NET1: variants seen among roughly 807,000 people sequenced by gnomAD.
NET1 encodes neuroepithelial cell transforming 1, also known as neuroepithelial cell-transforming gene 1 protein.
In NET1, 42 loss-of-function variants were observed where a neutral mutation model predicts 61.1. The ratio of observed to expected loss-of-function variants is 0.69; its 90% CI spans 0.54 to 0.89. NET1 has a LOEUF of 0.89. Among genes scored for constraint, NET1 ranks in the 40% least tolerant of loss-of-function variants. The probability of loss-of-function intolerance (pLI) is 0.00; values close to 1 mark genes in which losing one functional copy is unlikely to be tolerated. For missense variants in NET1, 654 were observed against 747.3 expected (o/e 0.88, Z 1.46); for synonymous variants, 254 against 281.8 (o/e 0.90, Z 0.99).
At chr10:5,432,647 T>C (rs1453501376) in intron 3 of NET1, among the ~76,000 whole-genome samples, 1 of 152,142 alleles carries the variant, frequency 6.6e-6, no homozygotes, top group African/African-American at 2.4e-5. Flanking sequence ...AATTTTGAAG[T>C]CATTCTACAG....
chr10:5,442,301 G>A (rs1467046901), intron 3 of NET1, among the ~76,000 whole-genome samples: 1 of 152,114 alleles, frequency 6.6e-6, no homozygotes, highest in Non-Finnish European at 1.5e-5. Context: ...CTGTAGTATG[G>A]CTTCCCTAGT....
In NET1 at chr10:5,453,041, A is replaced by G; in HGVS notation, c.594+121A>G. On this transcript the variant is annotated intron_variant, in intron 6 of 11. Transcript: ENST00000355029. This position sits in a 1 kb window ranked among gnomAD's most constrained non-coding sequence, Gnocchi z 4.9. ...ATAGAAAATATCTACTGGTGAATAC[A>G]TTTTTTTTAGGTGAGGTCTAGACAC... 1 of 787,342 alleles carries G rather than the reference A, an allele frequency of 1.3e-6. No individual in the cohort carries two copies. The highest frequency in any genetic ancestry group is 2.1e-6 in the Non-Finnish European group (1 of 469,132). 48.8% of individuals were successfully genotyped at this position (787,342 alleles called of 1,614,324 possible).
rs780404336 is a variant in NET1 at position 5,439,863 on chromosome 10, A to G, written c.255+10634A>G. Among the ~76,000 whole-genome samples the G allele has an allele frequency of 1.5e-4, 23 of 152,214 alleles. No homozygotes were observed. Among genetic ancestry groups the G allele is most frequent in the Non-Finnish European group, 2.9e-4 (20 of 68,030 alleles). On this transcript the variant is annotated intron_variant, in intron 3 of 11. Transcript: ENST00000355029. The surrounding 1 kb of genome is among the most constrained non-coding windows in gnomAD (Gnocchi z 4.8). ...CCACAGCCTGGAGGACCTGCTACAG[A>G]GACCTCTGTTGCTCTGGGACCTACT...
Position 5,435,494 on chromosome 10 carries a change from T to C in NET1, c.255+6265T>C, listed in dbSNP as rs1395714357. ...TGCCTGAGATAGATAGATAGATAGA[T>C]AGATAGATAGATAGATAGATAGATA... On this transcript the variant is annotated intron_variant, in intron 3 of 11. Coordinates refer to ENST00000355029, the MANE Select transcript of NET1 (RefSeq NM_001047160.3). The surrounding 1 kb of genome is among the most constrained non-coding windows in gnomAD (Gnocchi z 5.0). Among the ~76,000 whole-genome samples the C allele has an allele frequency of 1.3e-4, 1 of 7,526 alleles. No homozygotes were observed. The highest frequency in any genetic ancestry group is 2.1e-4 in the African/African-American group (1 of 4,794). The allele number at this position is 7,526 out of a possible 152,430, so 4.9% of individuals were successfully genotyped here.
Position 5,441,206 on chromosome 10 carries a change from T to A in NET1, c.256-10624T>A, listed in dbSNP as rs1447485578. On this transcript the variant is annotated intron_variant, in intron 3 of 11. Transcript: ENST00000355029. The surrounding 1 kb of genome is among the most constrained non-coding windows in gnomAD (Gnocchi z 4.6). ...TCCTGCAGCTTCTGTGCTCCGTTAG[T>A]CAACAAGTGGCCTTTCGGGTGTCCA... Among the ~76,000 whole-genome samples the A allele has an allele frequency of 6.6e-6, 1 of 152,226 alleles. No homozygotes were observed. Among genetic ancestry groups the A allele is most frequent in the Non-Finnish European group, 1.5e-5 (1 of 68,032 alleles).
intron 3 of NET1, among the ~76,000 whole-genome samples, chr10:5,434,280 A>G (rs930757353): frequency 6.6e-6 from 1 of 151,988 alleles, no homozygotes; most frequent in African/African-American, 2.4e-5. Context: ...TTTCTCTTTT[A>G]TCTGGAACTT....
rs1832560811 is a variant in NET1, at chr10:5,443,757, TTC to T, written c.256-8071_256-8070del. On this transcript the variant is annotated intron_variant, in intron 3 of 11. Coordinates refer to ENST00000355029, the MANE Select transcript of NET1 (RefSeq NM_001047160.3). The surrounding 1 kb of genome is among the most constrained non-coding windows in gnomAD (Gnocchi z 4.8). ...TATTTCTGTATTTACATATAAAGACTTCTACCTTTACCTCTTGGGTCCCCAGC... is the reference window on the plus strand; with the variant it reads ...TATTTCTGTATTTACATATAAAGACTTACCTTTACCTCTTGGGTCCCCAGC... Among the ~76,000 whole-genome samples the T allele has an allele frequency of 6.6e-6, 1 of 152,234 alleles. No individual in the cohort carries two copies. Among genetic ancestry groups the T allele is most frequent in the African/African-American group, 2.4e-5 (1 of 41,474 alleles).
intron 3 of NET1, among the ~76,000 whole-genome samples, chr10:5,436,248 A>ATATTT (rs1564462826): frequency 5.4e-5 from 1 of 18,426 alleles, no homozygotes; most frequent in Non-Finnish European, 9.3e-5. Flanking sequence ...ATATATATAT[A>ATATTT]TTTTTTTTTT....
rs191775754 is a variant in NET1 at position 5,437,439 on chromosome 10, A to T, written c.255+8210A>T. On this transcript the variant is annotated intron_variant, in intron 3 of 11. Coordinates refer to ENST00000355029, the MANE Select transcript of NET1 (RefSeq NM_001047160.3). This position sits in a 1 kb window ranked among gnomAD's most constrained non-coding sequence, Gnocchi z 4.3. ...CTTTTAAGAATGGCTATTTTTGTAT[A>T]TTTCTAATTTTTTTCATATTAAAAA... 1.1e-3 allele frequency among the ~76,000 whole-genome samples: 161 copies of T among 152,074 alleles called. No homozygotes were observed. The highest frequency in any genetic ancestry group is 1.3e-4 in the Non-Finnish European group (9 of 67,950).
intron 1 of NET1, among the ~76,000 whole-genome samples, chr10:5,425,155 G>C (rs1832239672): frequency 6.6e-6 from 1 of 152,094 alleles, no homozygotes; most frequent in South Asian, 2.1e-4. Context: ...TTTTCTTTCA[G>C]ATTCAGTAAT....
chr10:5,456,025 A>G lies in NET1; in HGVS notation c.1198-62A>G. On this transcript the variant is annotated intron_variant, in intron 10 of 11. Transcript: ENST00000355029. The surrounding 1 kb of genome is among the most constrained non-coding windows in gnomAD (Gnocchi z 7.0). ...TTAATAATGTCGAGTTATTTTAGCA[A>G]TATATTTCAGTCACTTAAAAACACA... 2.1e-6 allele frequency: 3 copies of G among 1,440,154 alleles called. No homozygotes were observed. Among genetic ancestry groups the G allele is most frequent in the East Asian group, 2.3e-5 (1 of 43,312 alleles). 89.2% of individuals were successfully genotyped at this position (1,440,154 alleles called of 1,614,324 possible). A position where few individuals can be genotyped will look rare whatever the true frequency, so the allele number is the denominator to read the frequency against.
In NET1 at chr10:5,454,423, T is replaced by C; in HGVS notation, c.927T>C (p.Asp309=). 1 of 1,614,186 alleles carries C rather than the reference T, an allele frequency of 6.2e-7. No homozygotes were observed. The change falls in exon 9 of 12, where the codon GAT becomes GAC. Residue 309 remains aspartate (D), a synonymous_variant. Transcript: ENST00000355029. The surrounding 1 kb of genome is among the most constrained non-coding windows in gnomAD (Gnocchi z 8.1). ...AACTAGATCTTTGGAGTTTCCTAGA[T>C]ATCCCTCGAAGTCGCCTAGTCAAAT... ...SRKLDLWSFL[D]IPRSRLVKYP...
rs1832602049 is a variant in NET1 at position 5,446,033 on chromosome 10, G to T, written c.256-5797G>T. On this transcript the variant is annotated intron_variant, in intron 3 of 11. Coordinates refer to ENST00000355029, the MANE Select transcript of NET1 (RefSeq NM_001047160.3). The surrounding 1 kb of genome is among the most constrained non-coding windows in gnomAD (Gnocchi z 5.0). Reference sequence around the variant, plus strand: ...TAAGAAATACTGAATTTTGAAATCTGAAGTAGCCCAGTTTACCCGTAACCT... The same window carrying T: ...TAAGAAATACTGAATTTTGAAATCTTAAGTAGCCCAGTTTACCCGTAACCT... Among the ~76,000 whole-genome samples, 1 of 152,160 alleles carries T rather than the reference G, an allele frequency of 6.6e-6. No homozygotes were observed. Among genetic ancestry groups the T allele is most frequent in the Admixed American group, 6.5e-5 (1 of 15,268 alleles).
In NET1 at chr10:5,440,387, T is replaced by C. The variant is rs2119196687; in HGVS notation, c.255+11158T>C. Among the ~76,000 whole-genome samples, 1 of 152,364 alleles carries C rather than the reference T, an allele frequency of 6.6e-6. No individual in the cohort carries two copies. Among genetic ancestry groups the C allele is most frequent in the South Asian group, 2.1e-4 (1 of 4,832 alleles). The stretch of plus-strand genomic sequence containing the variant: ...ACAAATGCTAGATGATTTGTTGGTC[T>C]GCTCCAGTAGACTCTACATCTTGCA... On this transcript the variant is annotated intron_variant, in intron 3 of 11. Transcript: ENST00000355029. The surrounding 1 kb of genome is among the most constrained non-coding windows in gnomAD (Gnocchi z 4.1).
Position 5,453,729 on chromosome 10 carries a change from A to C in NET1, c.768+169A>C, listed in dbSNP as rs1195354951. 6.6e-6 allele frequency among the ~76,000 whole-genome samples: 1 copy of C among 152,330 alleles called. No individual in the cohort carries two copies. The highest frequency in any genetic ancestry group is 1.9e-4 in the East Asian group (1 of 5,196). ...ATAAGAAGTTACAGTCTGTTTAAAA[A>C]AAAAAAAAAACACCTTCATTAATGC... On this transcript the variant is annotated intron_variant, in intron 8 of 11. Transcript: ENST00000355029. The surrounding 1 kb of genome is among the most constrained non-coding windows in gnomAD (Gnocchi z 4.9).
In NET1 at chr10:5,453,367, G is replaced by A; in HGVS notation, c.691+21G>A. On this transcript the variant is annotated intron_variant, in intron 7 of 11. Coordinates refer to ENST00000355029, the MANE Select transcript of NET1 (RefSeq NM_001047160.3). The surrounding 1 kb of genome is among the most constrained non-coding windows in gnomAD (Gnocchi z 4.9). ...TGAAGGTTAGATGTGCCACTTAATT[G>A]TCATTAAATCTAAAGAGCAGCGGTG... 2 of 1,581,894 alleles carry A rather than the reference G, an allele frequency of 1.3e-6. No homozygotes were observed. Among genetic ancestry groups the A allele is most frequent in the African/African-American group, 1.3e-5 (1 of 74,364 alleles).
Position 5,426,755 on chromosome 10 carries a change from TTAGA to T in NET1, c.195+39_195+42del. 1 of 1,422,626 alleles carries T rather than the reference TTAGA, an allele frequency of 7.0e-7. No individual in the cohort carries two copies. The highest frequency in any genetic ancestry group is 9.7e-7 in the Non-Finnish European group (1 of 1,028,964). 88.1% of individuals were successfully genotyped at this position (1,422,626 alleles called of 1,614,324 possible). On this transcript the variant is annotated intron_variant, in intron 2 of 11. Transcript: ENST00000355029. This position sits in a 1 kb window ranked among gnomAD's most constrained non-coding sequence, Gnocchi z 4.6. The stretch of plus-strand genomic sequence containing the variant: ...ATACCTGGGTTTTTATTTCGAGACA[TTAGA>T]TAGAATTAATTCCCTGGTTTCTTTC...
At chr10:5,418,932 A>G (rs2119165460) in intron 1 of NET1, among the ~76,000 whole-genome samples, 1 of 152,336 alleles carries the variant, frequency 6.6e-6, no homozygotes, top group Non-Finnish European at 1.5e-5. Flanking sequence ...TTATTTAGGA[A>G]TGAATTGTTT....
Position 5,445,563 on chromosome 10 carries a change from T to C in NET1, c.256-6267T>C, listed in dbSNP as rs74752982. Among the ~76,000 whole-genome samples the C allele has an allele frequency of 6.5e-3, 990 of 152,332 alleles. 37 individuals carry two copies. In the East Asian group the frequency reaches 0.11, roughly 16 times the overall value. ...GACTAGAAATATTTTTCCAACATAC[T>C]ACCATCATATTATAGTAGTTTATAG... On this transcript the variant is annotated intron_variant, in intron 3 of 11. Transcript: ENST00000355029.
Sources: gnomAD v4.1 joint callset for allele counts (sites outside exome capture counted in the v4.1 genomes callset) on GRCh38, gnomAD v4.1.1 for gene constraint, Gnocchi (gnomAD v3.1) non-coding constraint, MANE v1.5 for transcripts, NCBI Gene and HGNC (gene_info 2026-07-23, HGNC 2026-07-21) for gene names.